Variants in HELZ observed in about 807,000 individuals in gnomAD.
HELZ encodes helicase with zinc finger, also known as ATP-dependent RNA helicase with zinc finger domain.
In HELZ, 23 loss-of-function variants were observed where a neutral mutation model predicts 218.2. The ratio of observed to expected loss-of-function variants is 0.11; its 90% CI spans 0.08 to 0.15. HELZ has a LOEUF of 0.15. HELZ is among the 10% of genes least tolerant of loss of function. HELZ has a pLI of 1.00. For synonymous variants in HELZ, 814 were observed against 829.4 expected, an observed-to-expected ratio of 0.98 and a Z score of 0.32; for missense variants, 1,813 against 2,353.7, an observed-to-expected ratio of 0.77 and a Z score of 4.75.
At chr17:67,214,258 T>C in intron 5 of HELZ, among the ~76,000 whole-genome samples, 1 of 130,456 alleles carries the variant, frequency 7.7e-6, no homozygotes, top group South Asian at 2.4e-4. Context: ...AATTAATATT[T>C]CTTTTTTTTT....
intron 3 of HELZ, chr17:67,224,333 G>A (rs1042814523): frequency 8.4e-5 from 14 of 166,532 alleles, no homozygotes; most frequent in African/African-American, 2.9e-4. Context: ...TACAGGAAAA[G>A]GCAGAGCTGA....
chr17:67,225,741 T>C (rs1451493332), intron 3 of HELZ, among the ~76,000 whole-genome samples: 1 of 152,206 alleles, frequency 6.6e-6, no homozygotes, highest in African/African-American at 2.4e-5. Context: ...TTTCAGACAG[T>C]ATCCCATCCC....
At chr17:67,085,969 G>GT (rs1321248815) in intron 32 of HELZ, among the ~76,000 whole-genome samples, 1 of 152,094 alleles carries the variant, frequency 6.6e-6, no homozygotes, top group Admixed American at 6.5e-5. Flanking sequence ...AAGTTCTACA[G>GT]TTTATTAGAA....
chr17:67,099,997 A>G (rs2143685579), intron 31 of HELZ, among the ~76,000 whole-genome samples: 3 of 152,326 alleles, frequency 2.0e-5, no homozygotes, highest in Admixed American at 2.0e-4. Context: ...ATCATACATT[A>G]ATGATCTCTT....
At chr17:67,142,187 A>G (rs1317006693) in intron 21 of HELZ, among the ~76,000 whole-genome samples, 1 of 152,180 alleles carries the variant, frequency 6.6e-6, no homozygotes, top group Non-Finnish European at 1.5e-5. Flanking sequence ...GGTAAATCCA[A>G]CCATATCAGT....
At chr17:67,106,981 C>A (rs1314907173) in intron 31 of HELZ, among the ~76,000 whole-genome samples, 188 bp downstream of exon 31, 1 of 152,134 alleles carries the variant, frequency 6.6e-6, no homozygotes, top group Admixed American at 6.5e-5. Context: ...CATGTTTCAA[C>A]AAAAGTGTCC....
intron 15 of HELZ, among the ~76,000 whole-genome samples, chr17:67,164,257 A>G (rs2039074285): frequency 6.6e-6 from 1 of 152,158 alleles, no homozygotes; most frequent in Non-Finnish European, 1.5e-5. Flanking sequence ...AAAACACAAA[A>G]CTGAGCCTAG....
At chr17:67,176,275 T>C (rs1175221221) in intron 13 of HELZ, 1 of 152,258 alleles carries the variant, frequency 6.6e-6, no homozygotes, top group Non-Finnish European at 1.5e-5. Flanking sequence ...TAAGGTATTA[T>C]AACTAGCATA....
In HELZ at chr17:67,188,202, A is replaced by G; in HGVS notation, c.1162+117T>C. 1.0e-6 allele frequency: 1 copy of G among 987,168 alleles called. No individual in the cohort carries two copies. The highest frequency in any genetic ancestry group is 1.6e-5 in the South Asian group (1 of 60,800). 61.2% of individuals were successfully genotyped at this position (987,168 alleles called of 1,614,324 possible). ...CAGTAAATGAGTCAATTAAGTTGGG[A>G]TTTTTTTCTTTATTACTATTCTCTT... On this transcript the variant is annotated intron_variant, in intron 12 of 32. Transcript: ENST00000358691. This position sits in a 1 kb window ranked among gnomAD's most constrained non-coding sequence, Gnocchi z 4.1.
intron 15 of HELZ, among the ~76,000 whole-genome samples, chr17:67,165,693 C>T (rs1002127016): frequency 1.3e-5 from 2 of 152,106 alleles, no homozygotes; most frequent in African/African-American, 4.8e-5. Flanking sequence ...AATGGAAGTA[C>T]CTTCTTCATT....
Position 67,078,477 on chromosome 17 carries a change from G to T in HELZ, c.5604C>A (p.Pro1868=). The T allele has an allele frequency of 6.3e-7, 1 of 1,582,344 alleles. No individual in the cohort carries two copies. Among genetic ancestry groups the T allele is most frequent in the Non-Finnish European group, 8.6e-7 (1 of 1,167,194 alleles). Residue 1868 remains proline (P), a synonymous_variant, in exon 33 of 33, where the codon CCC becomes CCA. Transcript: ENST00000358691. The part of the protein sequence containing the change: ...SVLQHLGQFP[P]LMPNKQIAES... ...CCGCGATCTGCTTGTTAGGCATAAGGGGTGGAAACTGGCCAAGATGCTGCA... is the reference window on the plus strand; with the variant it reads ...CCGCGATCTGCTTGTTAGGCATAAGTGGTGGAAACTGGCCAAGATGCTGCA...
intron 23 of HELZ, among the ~76,000 whole-genome samples, chr17:67,132,218 CTGTGTGTGTG>C (rs57691319): frequency 2.2e-4 from 33 of 147,974 alleles, no homozygotes; most frequent in Non-Finnish European, 3.6e-4. Context: ...CCTTAGGTCA[CTGTGTGTGTG>C]TGTGTGTGTG....
Position 67,098,062 on chromosome 17 carries a change from G to GA in HELZ, c.5241+9106dup, listed in dbSNP as rs1313551692. On this transcript the variant is annotated intron_variant, in intron 31 of 32. Coordinates refer to ENST00000358691, the MANE Select transcript of HELZ (RefSeq NM_014877.4). ...TAGCTCCCTTTCTCCCCACCACCCAGAAAAAATAAAAGGCAAATTTTACAC... is the reference window on the plus strand; with the variant it reads ...TAGCTCCCTTTCTCCCCACCACCCAGAAAAAAATAAAAGGCAAATTTTACAC... Among the ~76,000 whole-genome samples, 7 of 152,164 alleles carry GA rather than the reference G, an allele frequency of 4.6e-5. No individual in the cohort carries two copies. The East Asian group carries it at 1.2e-3, about 25-fold the overall frequency.
At chr17:67,132,218 C>CTGTG (rs57691319) in intron 23 of HELZ, among the ~76,000 whole-genome samples, 2,077 of 147,948 alleles carry the variant, frequency 0.014, 40 homozygotes, top group African/African-American at 0.045. Flanking sequence ...CCTTAGGTCA[C>CTGTG]TGTGTGTGTG....
chr17:67,077,449 CCAA>C lies in HELZ; in HGVS notation c.*800_*802del, dbSNP rs2036046289. On this transcript the variant is annotated 3_prime_UTR_variant, in exon 33 of 33. Transcript: ENST00000358691. ...AAATAGTTATCAAGTCTACTAAGCACCAACAATCCTAAAAATTTTTCAGCTTCT... is the reference window on the plus strand; with the variant it reads ...AAATAGTTATCAAGTCTACTAAGCACCAATCCTAAAAATTTTTCAGCTTCT... 2 of 151,706 alleles carry C rather than the reference CCAA, an allele frequency of 1.3e-5. No homozygotes were observed. The highest frequency in any genetic ancestry group is 4.1e-4 in the South Asian group (2 of 4,820). 9.4% of individuals were successfully genotyped at this position (151,706 alleles called of 1,614,324 possible).
At chr17:67,227,291 C>T (rs2040920266) in intron 3 of HELZ, among the ~76,000 whole-genome samples, 1 of 151,670 alleles carries the variant, frequency 6.6e-6, no homozygotes, top group Non-Finnish European at 1.5e-5. Context: ...CTCCCAGGTT[C>T]AAGCAATTTT....
At chr17:67,160,458 T>A in intron 16 of HELZ, 96 bp from the exon 17 acceptor site, 1 of 766,238 alleles carries the variant, frequency 1.3e-6, no homozygotes, top group South Asian at 1.6e-5. Context: ...CATCCTAATA[T>A]TATACAATTC....
intron 32 of HELZ, among the ~76,000 whole-genome samples, chr17:67,083,447 C>T (rs1056696734): frequency 1.3e-5 from 2 of 152,054 alleles, no homozygotes; most frequent in Non-Finnish European, 2.9e-5. Flanking sequence ...CTAGACCAGC[C>T]TGGCCAACAT....
chr17:67,168,662 G>A (rs925014488), intron 13 of HELZ, among the ~76,000 whole-genome samples: 2 of 152,190 alleles, frequency 1.3e-5, no homozygotes, highest in Non-Finnish European at 2.9e-5. Flanking sequence ...TCTCATGCAG[G>A]AATTATGGCA....
Sources: allele counts gnomAD v4.1 joint callset (sites outside exome capture counted in the v4.1 genomes callset), GRCh38; gene constraint gnomAD v4.1.1; non-coding constraint Gnocchi (gnomAD v3.1); transcripts MANE v1.5; gene names NCBI Gene and HGNC (gene_info 2026-07-23, HGNC 2026-07-21).